VWF: variants seen among roughly 807,000 people sequenced by gnomAD.
VWF encodes the protein Factor VIII related antigen.
A neutral mutation model predicts 308.6 loss-of-function variants in VWF; 176 were observed. That is an observed-to-expected ratio of 0.57 (90% CI 0.50 to 0.65). VWF has a LOEUF of 0.65. VWF is among the 30% of genes least tolerant of loss of function. The pLI is 0.00. For synonymous variants in VWF, 1,385 were observed against 1,443.4 expected (o/e 0.96, Z 0.92); for missense variants, 3,146 against 3,648.2 (o/e 0.86, Z 3.55).
intron 11 of VWF, 55 bp from the exon 12 acceptor site, chr12:6,064,439 C>A: frequency 6.2e-7 from 1 of 1,608,374 alleles, no homozygotes; most frequent in East Asian, 2.2e-5. Context: ...ATCCAGCTCC[C>A]CAGCCCAGGA....
In VWF at chr12:6,046,217, CT is replaced by C. The variant is rs1448799399; in HGVS notation, c.2281+505del. 2.0e-5 allele frequency among the ~76,000 whole-genome samples: 3 copies of C among 151,720 alleles called. No homozygotes were observed. The highest frequency in any genetic ancestry group is 7.2e-5 in the African/African-American group (3 of 41,392). Reference sequence around the variant, plus strand: ...CCAACCTGGGTGACAGAGTGAGACTCTCAAAAAAAAAAGACAGTGCAGCCAC... The same window carrying C: ...CCAACCTGGGTGACAGAGTGAGACTCCAAAAAAAAAAGACAGTGCAGCCAC... On this transcript the variant is annotated intron_variant, in intron 17 of 51. Transcript: ENST00000261405. The surrounding 1 kb of genome is among the most constrained non-coding windows in gnomAD (Gnocchi z 5.0).
intron 1 of VWF, 138 bp from the exon 2 acceptor site, chr12:6,123,334 C>T (rs1945451834): frequency 1.9e-6 from 2 of 1,043,510 alleles, no homozygotes; most frequent in African/African-American, 3.2e-5. Flanking sequence ...ACCCCCTTTT[C>T]CCCTTTGAAC....
chr12:5,988,002 A>G (rs111287824), intron 38 of VWF, among the ~76,000 whole-genome samples: 1,791 of 152,326 alleles, frequency 0.012, 43 homozygotes, highest in African/African-American at 0.04. Context: ...CAATAAAGCT[A>G]TTTGTAAAAA....
chr12:6,036,653 T>C (rs896093286), intron 18 of VWF, among the ~76,000 whole-genome samples, 162 bp from the exon 19 acceptor site: 4 of 152,208 alleles, frequency 2.6e-5, no homozygotes, highest in African/African-American at 9.7e-5. Flanking sequence ...CAGCTTCCAC[T>C]GCAGGCCAAG....
At chr12:5,989,382 T>G (rs538670549) in intron 38 of VWF, among the ~76,000 whole-genome samples, 2 of 152,362 alleles carry the variant, frequency 1.3e-5, no homozygotes, top group African/African-American at 4.8e-5. Flanking sequence ...GTTTCTTTAA[T>G]GGAAATGTTC....
chr12:6,012,737 T>C (rs1366004089), intron 32 of VWF, among the ~76,000 whole-genome samples: 3 of 151,372 alleles, frequency 2.0e-5, no homozygotes, highest in African/African-American at 7.3e-5. Context: ...AGTCTCACTC[T>C]GTTGCCCAGG....
At chr12:6,119,855 T>G (rs1457433372) in intron 3 of VWF, among the ~76,000 whole-genome samples, 1 of 151,892 alleles carries the variant, frequency 6.6e-6, no homozygotes, top group Non-Finnish European at 1.5e-5. Context: ...CAAAAATAAA[T>G]AAATAAATAC....
chr12:6,103,524 G>GTGTA lies in VWF; in HGVS notation c.532+6846_532+6849dup, dbSNP rs1042876234. 2.7e-4 allele frequency among the ~76,000 whole-genome samples: 36 copies of GTGTA among 131,664 alleles called. 1 individual carries two copies. The highest frequency in any genetic ancestry group is 1.5e-3 in the South Asian group (6 of 4,118). 86.4% of individuals were successfully genotyped at this position (131,664 alleles called of 152,430 possible). On this transcript the variant is annotated intron_variant, in intron 5 of 51. Coordinates refer to ENST00000261405, the MANE Select transcript of VWF (RefSeq NM_000552.5). ...CACACGTATATATATACACACATAT[G>GTGTA]TGTATATACACATATATGTATACAC...
At chr12:5,992,769 G>A (rs921124738) in intron 37 of VWF, among the ~76,000 whole-genome samples, 1 of 152,216 alleles carries the variant, frequency 6.6e-6, no homozygotes, top group African/African-American at 2.4e-5. Context: ...GCAGGCAGGT[G>A]ATGGACGAAG....
rs745348661 is a variant in VWF, at chr12:5,981,942, C to T, written c.7131G>A (p.Pro2377=). ...CKRVSPPSCP[P]HRLPTLRKTQ... is the part of the protein sequence containing the mutation. ...TCTTCCGAAGGGTGGGCAAACGGTG[C>T]GGGGGGCAGGAGGGTGGGGACACTC... The change falls in exon 42 of 52, where the codon CCG becomes CCA. Residue 2377 remains proline, a synonymous_variant. Transcript: ENST00000261405. 6.0e-5 allele frequency: 40 copies of T among 671,370 alleles called. No homozygotes were observed. Among genetic ancestry groups the T allele is most frequent in the South Asian group, 1.3e-4 (9 of 68,576 alleles). 41.6% of individuals were successfully genotyped at this position (671,370 alleles called of 1,614,324 possible). A position where few individuals can be genotyped will look rare whatever the true frequency, so the allele number is the denominator to read the frequency against.
chr12:6,012,217 C>G (rs1413028623), intron 32 of VWF, 87 bp from the exon 33 acceptor site: 2 of 1,446,932 alleles, frequency 1.4e-6, no homozygotes, highest in Admixed American at 1.7e-5. Context: ...GCAACCTGGT[C>G]TAGTTTTTGA....
chr12:6,095,012 A>G (rs1028489874), intron 6 of VWF, among the ~76,000 whole-genome samples: 2 of 150,512 alleles, frequency 1.3e-5, no homozygotes, highest in Non-Finnish European at 2.9e-5. Context: ...AGGCGCCCAG[A>G]TGGTTTCGAT....
intron 13 of VWF, among the ~76,000 whole-genome samples, chr12:6,062,105 T>A (rs922843705): frequency 6.6e-6 from 1 of 152,216 alleles, no homozygotes; most frequent in Non-Finnish European, 1.5e-5. Flanking sequence ...ATTTTCAATC[T>A]GATAAATACC....
chr12:6,011,527 C>A, intron 34 of VWF, 90 bp downstream of exon 34: 1 of 1,151,098 alleles, frequency 8.7e-7, no homozygotes, highest in South Asian at 1.3e-5. Context: ...TACTTCTGGG[C>A]TGGTGGGTGC....
intron 5 of VWF, among the ~76,000 whole-genome samples, chr12:6,096,709 A>G (rs1591915546): frequency 1.3e-5 from 2 of 152,208 alleles, no homozygotes; most frequent in East Asian, 1.9e-4. Flanking sequence ...TGCTACTGTC[A>G]GCTACTCACA....
intron 47 of VWF, among the ~76,000 whole-genome samples, chr12:5,958,179 A>C (rs371475441): frequency 1.3e-5 from 2 of 152,210 alleles, no homozygotes; most frequent in East Asian, 3.8e-4. Context: ...AGTAACAAAG[A>C]AGACAGCAGA....
At chr12:6,012,762 C>G (rs745361595) in intron 32 of VWF, among the ~76,000 whole-genome samples, 38 of 150,154 alleles carry the variant, frequency 2.5e-4, no homozygotes, top group Non-Finnish European at 5.2e-4. Flanking sequence ...AGTACAGTGG[C>G]GCGATCTCGG....
chr12:5,976,495 G>T (rs1403923444), intron 42 of VWF, among the ~76,000 whole-genome samples: 1 of 152,046 alleles, frequency 6.6e-6, no homozygotes, highest in African/African-American at 2.4e-5. Context: ...CCCCTCGTGA[G>T]GCCTTCATGG....
chr12:6,061,630 A>G (rs7298568), intron 13 of VWF, among the ~76,000 whole-genome samples: 23,557 of 152,042 alleles, frequency 0.15, 2,706 homozygotes, highest in African/African-American at 0.33. Flanking sequence ...ACCCTGTGGA[A>G]TACAGGACCC....
Sources: allele counts gnomAD v4.1 joint callset (sites outside exome capture counted in the v4.1 genomes callset), GRCh38; gene constraint gnomAD v4.1.1; non-coding constraint Gnocchi (gnomAD v3.1); transcripts MANE v1.5; gene names NCBI Gene and HGNC (gene_info 2026-07-23, HGNC 2026-07-21).